The following NKAIN2 variants were observed in gnomAD, a reference collection of about 807,000 sequenced individuals.
NKAIN2 encodes sodium/potassium-transporting ATPase subunit beta-1-interacting protein 2.
Under a neutral mutation model 32.6 loss-of-function variants are expected in NKAIN2, and 14 were observed. That is an observed-to-expected ratio of 0.43 (90% CI 0.28 to 0.67). The LOEUF is 0.67. Among genes scored for constraint, NKAIN2 ranks in the 30% least tolerant of loss-of-function variants. NKAIN2 has a pLI of 0.17. For missense variants in NKAIN2, 198 were observed against 258.3 expected (o/e 0.77, Z 1.60); for synonymous variants, 80 against 87.2 (o/e 0.92, Z 0.46).
chr6:124,094,546 A>T (rs1424036448), intron 1 of NKAIN2, among the ~76,000 whole-genome samples: 3 of 152,170 alleles, frequency 2.0e-5, no homozygotes, highest in Non-Finnish European at 4.4e-5. Context: ...TAAGAAGAGT[A>T]AAGAAGATCA....
At chr6:124,397,320 C>A (rs1773422242) in intron 3 of NKAIN2, among the ~76,000 whole-genome samples, 1 of 151,776 alleles carries the variant, frequency 6.6e-6, no homozygotes, top group African/African-American at 2.4e-5. Context: ...TTACTTTTTT[C>A]TAGAACACAT....
At chr6:124,747,953 A>G (rs902267972) in intron 4 of NKAIN2, among the ~76,000 whole-genome samples, 1 of 151,512 alleles carries the variant, frequency 6.6e-6, no homozygotes, top group Non-Finnish European at 1.5e-5. Flanking sequence ...TTCACAAACA[A>G]TTTTTTTTGC....
rs1259926721 is a variant in NKAIN2, at chr6:124,580,581, G to A, written c.274-77605G>A. ...AGAAAATTACCTTCACTAAAAGGAA[G>A]ACAGGAAAGAAGGAAGATAAGACCA... On this transcript the variant is annotated intron_variant, in intron 3 of 6. Coordinates refer to ENST00000368417, the MANE Select transcript of NKAIN2 (RefSeq NM_001040214.3). Among the ~76,000 whole-genome samples the A allele has an allele frequency of 2.6e-5, 4 of 152,024 alleles. No homozygotes were observed. In the South Asian group the frequency reaches 8.3e-4, roughly 32 times the overall value.
chr6:124,769,204 T>C (rs1778643063), intron 4 of NKAIN2, among the ~76,000 whole-genome samples: 1 of 152,170 alleles, frequency 6.6e-6, no homozygotes, highest in Admixed American at 6.5e-5. Flanking sequence ...CCTGATCCTA[T>C]AGTTGTCTGG....
intron 1 of NKAIN2, among the ~76,000 whole-genome samples, chr6:124,194,476 A>G (rs989100008): frequency 2.6e-5 from 4 of 152,108 alleles, no homozygotes; most frequent in African/African-American, 9.7e-5. Flanking sequence ...GAATGTTGAT[A>G]CATTTATATT....
At chr6:123,832,748 G>A (rs1476574979) in intron 1 of NKAIN2, among the ~76,000 whole-genome samples, 2 of 152,036 alleles carry the variant, frequency 1.3e-5, no homozygotes, top group African/African-American at 4.8e-5. Flanking sequence ...TTTCTTGTAT[G>A]CTTATTTGAC....
chr6:123,927,091 C>G (rs910497340), intron 1 of NKAIN2, among the ~76,000 whole-genome samples: 1 of 152,056 alleles, frequency 6.6e-6, no homozygotes, highest in African/African-American at 2.4e-5. Flanking sequence ...GTATATTTTC[C>G]CGCATTTGCT....
chr6:124,213,623 C>T (rs1012794068), intron 1 of NKAIN2, among the ~76,000 whole-genome samples: 1 of 151,956 alleles, frequency 6.6e-6, no homozygotes, highest in Admixed American at 6.6e-5. Flanking sequence ...TATTTGACAA[C>T]TCACTCTCTA....
At chr6:124,346,596 CT>C (rs1481959379) in intron 2 of NKAIN2, among the ~76,000 whole-genome samples, 1 of 151,990 alleles carries the variant, frequency 6.6e-6, no homozygotes, top group Non-Finnish European at 1.5e-5. Context: ...TAATGGCCTT[CT>C]TTGTCTCTTT....
At chr6:123,810,832 A>G (rs1001504300) in intron 1 of NKAIN2, among the ~76,000 whole-genome samples, 1 of 152,124 alleles carries the variant, frequency 6.6e-6, no homozygotes, top group Non-Finnish European at 1.5e-5. Flanking sequence ...ACTTGGGAAG[A>G]AATAGAGTAA....
At chr6:124,417,964 A>G (rs915406946) in intron 3 of NKAIN2, among the ~76,000 whole-genome samples, 11 of 152,188 alleles carry the variant, frequency 7.2e-5, no homozygotes, top group Non-Finnish European at 1.6e-4. Context: ...CAGGGTTGAA[A>G]TTCTTCCATT....
intron 1 of NKAIN2, among the ~76,000 whole-genome samples, chr6:124,107,172 G>A (rs1206975562): frequency 6.6e-6 from 1 of 152,150 alleles, no homozygotes; most frequent in African/African-American, 2.4e-5. Context: ...AAGTGTGACT[G>A]GAGCTAAGTA....
At chr6:123,959,372 C>T (rs1777738660) in intron 1 of NKAIN2, among the ~76,000 whole-genome samples, 2 of 152,194 alleles carry the variant, frequency 1.3e-5, no homozygotes, top group African/African-American at 2.4e-5. Flanking sequence ...TGCATTGTGG[C>T]GGCCTACTCT....
chr6:124,628,586 TCTGA>T (rs1024572617), intron 3 of NKAIN2, among the ~76,000 whole-genome samples: 2 of 151,954 alleles, frequency 1.3e-5, no homozygotes, highest in African/African-American at 2.4e-5. Flanking sequence ...AAAAGAGAAA[TCTGA>T]CTGGTTCTGT....
At chr6:124,567,372 A>G (rs1221879021) in intron 3 of NKAIN2, among the ~76,000 whole-genome samples, 1 of 152,152 alleles carries the variant, frequency 6.6e-6, no homozygotes, top group Non-Finnish European at 1.5e-5. Context: ...CATTTCAGTT[A>G]CTATTTCAAA....
At chr6:124,484,483 G>T (rs1777575839) in intron 3 of NKAIN2, among the ~76,000 whole-genome samples, 1 of 152,046 alleles carries the variant, frequency 6.6e-6, no homozygotes, top group South Asian at 2.1e-4. Flanking sequence ...CTTACTCAAG[G>T]ACAAGTAAAC....
intron 3 of NKAIN2, among the ~76,000 whole-genome samples, chr6:124,464,364 G>T (rs1583291433): frequency 6.6e-6 from 1 of 151,742 alleles, no homozygotes; most frequent in Middle Eastern, 3.5e-3. Context: ...GTCTATGATT[G>T]TGTCAAGAAG....
Position 123,849,949 on chromosome 6 carries a change from G to GTT in NKAIN2, c.54+45706_54+45707dup, listed in dbSNP as rs777466801. On this transcript the variant is annotated intron_variant, in intron 1 of 6. Transcript: ENST00000368417. ...TGGTTTCACTCTGTAACTCAGGCTG[G>GTT]TTTTTTTTTTTTGTTTGTTTGTTTT... is the stretch of plus-strand genomic sequence containing the variant. Among the ~76,000 whole-genome samples, 115 of 38,664 alleles carry GTT rather than the reference G, an allele frequency of 3.0e-3. 2 individuals are homozygous for GTT. The highest frequency in any genetic ancestry group is 6.1e-3 in the East Asian group (1 of 164). The allele number at this position is 38,664 out of a possible 152,430, so 25.4% of individuals were successfully genotyped here. A position where few individuals can be genotyped will look rare whatever the true frequency, so the allele number is the denominator to read the frequency against.
intron 1 of NKAIN2, among the ~76,000 whole-genome samples, chr6:124,048,322 A>G (rs1782240173): frequency 2.0e-5 from 3 of 152,030 alleles, no homozygotes. Flanking sequence ...TACAGCACTG[A>G]AGTAATCATT....
Sources: gnomAD v4.1 joint callset for allele counts (sites outside exome capture counted in the v4.1 genomes callset) on GRCh38, gnomAD v4.1.1 for gene constraint, MANE v1.5 for transcripts, NCBI Gene and HGNC (gene_info 2026-07-23, HGNC 2026-07-21) for gene names.